Variants in LIMCH1 observed in about 807,000 individuals in gnomAD.
LIMCH1 encodes LIM and calponin homology domains 1, also known as LIM and calponin homology domains-containing protein 1.
A neutral mutation model predicts 176.5 loss-of-function variants in LIMCH1; 113 were observed. The ratio of observed to expected loss-of-function variants is 0.64; its 90% confidence interval spans 0.55 to 0.75. LIMCH1 has a LOEUF of 0.75. LIMCH1 is among the 30% of genes least tolerant of loss of function. The pLI is 0.00. For synonymous variants in LIMCH1, 619 were observed against 645.9 expected (o/e 0.96, Z 0.63); for missense variants, 1,674 against 1,814.9 (o/e 0.92, Z 1.41).
chr4:41,605,796 TTTCC>T, intron 3 of LIMCH1, 94 bp from the exon 4 acceptor site: 1 of 679,224 alleles, frequency 1.5e-6, no homozygotes, highest in Non-Finnish European at 2.6e-6. Context: ...AAATCAGCTC[TTTCC>T]TTCCTGCCTT....
chr4:41,533,031 G>A (rs370687293), intron 3 of LIMCH1, among the ~76,000 whole-genome samples: 3 of 152,254 alleles, frequency 2.0e-5, no homozygotes, highest in East Asian at 3.9e-4. Flanking sequence ...CTTACTCGTG[G>A]ATATTGGCAG....
chr4:41,495,549 A>G (rs1432776518), intron 2 of LIMCH1, among the ~76,000 whole-genome samples: 1 of 152,114 alleles, frequency 6.6e-6, no homozygotes, highest in Non-Finnish European at 1.5e-5. Context: ...GTTTTTGGCA[A>G]CTTTCAGAAT....
At chr4:41,404,342 A>G (rs1214407184) in intron 1 of LIMCH1, among the ~76,000 whole-genome samples, 1 of 151,950 alleles carries the variant, frequency 6.6e-6, no homozygotes, top group Non-Finnish European at 1.5e-5. Context: ...GTGTCTCAAC[A>G]GGAAGACCCG....
Position 41,472,500 on chromosome 4 carries a change from A to T in LIMCH1, c.97-22036A>T, listed in dbSNP as rs1431139296. 3.3e-5 allele frequency among the ~76,000 whole-genome samples: 5 copies of T among 151,952 alleles called. No individual in the cohort carries two copies. The South Asian group carries it at 6.2e-4, about 19-fold the overall frequency. ...AGTGGTGCCATCACGGCTCACTGCAACCTTTGCCTCTTGGGCCCAAGTGAT... is the reference window on the plus strand; with the variant it reads ...AGTGGTGCCATCACGGCTCACTGCATCCTTTGCCTCTTGGGCCCAAGTGAT... On this transcript the variant is annotated intron_variant, in intron 1 of 26. Coordinates refer to the LIMCH1 transcript ENST00000313860.
At chr4:41,509,212 G>C (rs2074540856) in intron 2 of LIMCH1, among the ~76,000 whole-genome samples, 1 of 152,124 alleles carries the variant, frequency 6.6e-6, no homozygotes, top group Non-Finnish European at 1.5e-5. Flanking sequence ...GTCCCTACTG[G>C]TCACCATTGC....
rs566643041 is a variant in LIMCH1, at chr4:41,501,950, ACATAG to A, written c.167+7345_167+7349del. ...CGTGTGCAGGATATGCAGGTTTGTT[ACATAG>A]GTAAATGTGTGCCATGGTGGTTTGC... On this transcript the variant is annotated intron_variant, in intron 2 of 26. Coordinates refer to the LIMCH1 transcript ENST00000313860. Among the ~76,000 whole-genome samples, 8 of 140,612 alleles carry A rather than the reference ACATAG, an allele frequency of 5.7e-5. No individual in the cohort carries two copies. The South Asian group carries it at 1.8e-3, about 31-fold the overall frequency. 92.2% of individuals were successfully genotyped at this position (140,612 alleles called of 152,430 possible). A position where few individuals can be genotyped will look rare whatever the true frequency, so the allele number is the denominator to read the frequency against.
At chr4:41,533,205 G>A (rs2077511883), upstream of LIMCH1, among the ~76,000 whole-genome samples, 1 of 152,232 alleles carries the variant, frequency 6.6e-6, no homozygotes, top group South Asian at 2.1e-4. Context: ...CAACAAGTGA[G>A]ATGGAAGTCA....
chr4:41,681,426 C>T (rs887998388), intron 25 of LIMCH1, among the ~76,000 whole-genome samples: 5 of 152,162 alleles, frequency 3.3e-5, no homozygotes, highest in Admixed American at 1.3e-4. Context: ...TATTTATTCC[C>T]CTCTGCCATA....
chr4:41,460,353 G>A (rs370272127), intron 1 of LIMCH1, among the ~76,000 whole-genome samples: 4 of 151,332 alleles, frequency 2.6e-5, no homozygotes, highest in African/African-American at 7.3e-5. Context: ...GACATGCTAC[G>A]TGAGCCCCAG....
intron 2 of LIMCH1, among the ~76,000 whole-genome samples, chr4:41,495,813 A>C (rs561250903): frequency 4.6e-4 from 70 of 152,276 alleles, no homozygotes; most frequent in Non-Finnish European, 9.3e-4. Context: ...CTCTCAACAC[A>C]GCTCCTGTCA....
At chr4:41,366,143 T>TG (rs1242825046) in intron 1 of LIMCH1, among the ~76,000 whole-genome samples, 1 of 152,196 alleles carries the variant, frequency 6.6e-6, no homozygotes, top group Non-Finnish European at 1.5e-5. Flanking sequence ...GCATCATAGT[T>TG]GGGGGATAAC....
In LIMCH1 at chr4:41,690,245, C is replaced by T. The variant is rs1724424524; in HGVS notation, c.4275+610C>T. On this transcript the variant is annotated intron_variant, in intron 30 of 31. Coordinates refer to ENST00000503057, the MANE Select transcript of LIMCH1 (RefSeq NM_001330672.2). ...TAAATATTATCTCCTCTAATAAACT[C>T]CGTAAGGGCAGGGACCATGTCTGTC... is the stretch of plus-strand genomic sequence containing the variant. 2.0e-5 allele frequency among the ~76,000 whole-genome samples: 3 copies of T among 152,288 alleles called. No homozygotes were observed. In the East Asian group the frequency reaches 5.8e-4, roughly 29 times the overall value.
At chr4:41,520,691 C>A (rs1031027396) in intron 2 of LIMCH1, among the ~76,000 whole-genome samples, 2 of 151,960 alleles carry the variant, frequency 1.3e-5, no homozygotes, top group African/African-American at 4.8e-5. Context: ...AAAATAGTTC[C>A]TTCTCATTGG....
At chr4:41,417,881 A>T (rs2060083107) in intron 1 of LIMCH1, among the ~76,000 whole-genome samples, 1 of 152,150 alleles carries the variant, frequency 6.6e-6, no homozygotes, top group Non-Finnish European at 1.5e-5. Flanking sequence ...AGCATGTATT[A>T]TTTTATATTT....
At chr4:41,573,506 C>G (rs188943304) in intron 1 of LIMCH1, among the ~76,000 whole-genome samples, 1 of 152,194 alleles carries the variant, frequency 6.6e-6, no homozygotes, top group Non-Finnish European at 1.5e-5. Context: ...TTCATTTTCC[C>G]TGGACCTTGA....
intron 1 of LIMCH1, among the ~76,000 whole-genome samples, chr4:41,593,422 G>A (rs959192204): frequency 2.6e-5 from 4 of 152,194 alleles, no homozygotes; most frequent in African/African-American, 9.6e-5. Context: ...CTTTCCATCA[G>A]TAGCACCTGA....
intron 1 of LIMCH1, among the ~76,000 whole-genome samples, chr4:41,540,356 T>G (rs1433317992): frequency 6.6e-6 from 1 of 152,192 alleles, no homozygotes; most frequent in Non-Finnish European, 1.5e-5. Context: ...ATTTTGGCCC[T>G]GCCTTTTAGG....
chr4:41,607,643 A>C (rs1054092470), intron 4 of LIMCH1, among the ~76,000 whole-genome samples: 26 of 152,362 alleles, frequency 1.7e-4, no homozygotes, highest in African/African-American at 6.0e-4. Flanking sequence ...CATGATTGAC[A>C]TTTCTTACTA....
rs1215247087 is a variant in LIMCH1 at position 41,463,411 on chromosome 4, A to G, written c.97-31125A>G. Among the ~76,000 whole-genome samples the G allele has an allele frequency of 2.0e-5, 3 of 152,160 alleles. No homozygotes were observed. In the East Asian group the frequency reaches 5.8e-4, roughly 29 times the overall value. On this transcript the variant is annotated intron_variant, in intron 1 of 26. Transcript: ENST00000313860. ...TTTTCCCATTGGTAGTAAATCTGTGATAAATGTCTAGAATCCAGGACCTGG... is the reference window on the plus strand; with the variant it reads ...TTTTCCCATTGGTAGTAAATCTGTGGTAAATGTCTAGAATCCAGGACCTGG...
Sources: gnomAD v4.1 joint callset for allele counts (sites outside exome capture counted in the v4.1 genomes callset) on GRCh38, gnomAD v4.1.1 for gene constraint, MANE v1.5 for transcripts, NCBI Gene and HGNC (gene_info 2026-07-23, HGNC 2026-07-21) for gene names.